The following XIRP2 variants were observed in gnomAD, a reference collection of about 807,000 sequenced individuals.
XIRP2 encodes xin actin binding repeat containing 2, also known as xin actin-binding repeat-containing protein 2.
A neutral mutation model predicts 277.0 loss-of-function variants in XIRP2; 236 were observed. The ratio of observed to expected loss-of-function variants is 0.85; its 90% CI spans 0.77 to 0.95. The LOEUF is 0.95. Among genes scored for constraint, XIRP2 ranks in the 40% least tolerant of loss-of-function variants. The pLI is 0.00. For missense variants in XIRP2, 4,640 were observed against 4,157.5 expected (o/e 1.12, Z -3.19); for synonymous variants, 1,490 against 1,416.5 (o/e 1.05, Z -1.17).
chr2:167,121,163 C>T (rs187492122), intron 2 of XIRP2, among the ~76,000 whole-genome samples: 2 of 152,250 alleles, frequency 1.3e-5, no homozygotes, highest in African/African-American at 2.4e-5. Flanking sequence ...GTCATTGCAA[C>T]TCAACATAAC....
intron 2 of XIRP2, among the ~76,000 whole-genome samples, chr2:166,943,117 T>TA (rs980922912): frequency 6.6e-6 from 1 of 152,160 alleles, no homozygotes; most frequent in African/African-American, 2.4e-5. Context: ...TTTCTTTTGT[T>TA]ATTCACAATA....
At chr2:167,011,104 C>T (rs1043876187) in intron 2 of XIRP2, among the ~76,000 whole-genome samples, 3 of 149,912 alleles carry the variant, frequency 2.0e-5, no homozygotes, top group African/African-American at 7.3e-5. Flanking sequence ...ACTTCCAACA[C>T]TATGTTGAAT....
At chr2:166,968,204 A>G (rs1686478878) in intron 2 of XIRP2, among the ~76,000 whole-genome samples, 1 of 151,940 alleles carries the variant, frequency 6.6e-6, no homozygotes, top group South Asian at 2.1e-4. Context: ...AAAGAGGTTC[A>G]GTGATGACAT....
At chr2:167,201,215 AAAGAAAGAAAGAAAGAAAG>A (rs1693686568) in intron 3 of XIRP2, among the ~76,000 whole-genome samples, 2 of 125,622 alleles carry the variant, frequency 1.6e-5, no homozygotes, top group Non-Finnish European at 3.4e-5. Flanking sequence ...AGAAAGAAAG[AAAGAAAGAAAGAAAGAAAG>A]AAAGAAAGAA....
intron 5 of XIRP2, among the ~76,000 whole-genome samples, chr2:167,220,060 T>C (rs1190577034): frequency 6.6e-6 from 1 of 152,200 alleles, no homozygotes; most frequent in African/African-American, 2.4e-5. Flanking sequence ...TATTAAATTT[T>C]GGGGAGTTTT....
intron 3 of XIRP2, among the ~76,000 whole-genome samples, chr2:167,200,878 C>T (rs1171367203): frequency 6.6e-6 from 1 of 152,076 alleles, no homozygotes; most frequent in East Asian, 1.9e-4. Flanking sequence ...GCAACCCCAG[C>T]ACATGGGGAG....
At chr2:166,951,608 T>G (rs1331043053) in intron 2 of XIRP2, among the ~76,000 whole-genome samples, 2 of 152,060 alleles carry the variant, frequency 1.3e-5, no homozygotes, top group Non-Finnish European at 2.9e-5. Flanking sequence ...AATCTGTATG[T>G]GTCATGCATT....
At chr2:167,050,819 T>G (rs2105534403) in intron 2 of XIRP2, among the ~76,000 whole-genome samples, 1 of 152,034 alleles carries the variant, frequency 6.6e-6, no homozygotes, top group African/African-American at 2.4e-5. Flanking sequence ...ACATTTTTTT[T>G]TTTTAATAAT....
chr2:166,939,584 G>A (rs556224990), intron 2 of XIRP2, among the ~76,000 whole-genome samples: 68 of 149,900 alleles, frequency 4.5e-4, no homozygotes, highest in African/African-American at 1.4e-3. Flanking sequence ...GGAGGCTGGG[G>A]CAGGAGAATG....
At chr2:167,176,058 TG>T (rs534153865) in intron 3 of XIRP2, among the ~76,000 whole-genome samples, 103 of 152,220 alleles carry the variant, frequency 6.8e-4, no homozygotes, top group African/African-American at 2.3e-3. Flanking sequence ...CTGGGTTCCA[TG>T]GGGGTGGGAT....
chr2:167,034,298 C>T (rs912531187), intron 2 of XIRP2, among the ~76,000 whole-genome samples: 1 of 151,906 alleles, frequency 6.6e-6, no homozygotes, highest in Admixed American at 6.6e-5. Context: ...ACAACGGATA[C>T]ACAAAACAGT....
intron 3 of XIRP2, among the ~76,000 whole-genome samples, chr2:167,195,503 C>A (rs1379558024): frequency 2.0e-5 from 3 of 152,188 alleles, no homozygotes; most frequent in Non-Finnish European, 4.4e-5. Flanking sequence ...GCACAGCAGC[C>A]CCTTCCAACT....
chr2:167,138,253 TA>T (rs1189763896), intron 3 of XIRP2, among the ~76,000 whole-genome samples: 1 of 152,228 alleles, frequency 6.6e-6, no homozygotes. Flanking sequence ...TTATAAAAGA[TA>T]ATTTAAGTGC....
Position 166,913,319 on chromosome 2 carries a change from C to CG in XIRP2, c.408+9429_408+9430insG, listed in dbSNP as rs772338897. 2.2e-3 allele frequency among the ~76,000 whole-genome samples: 168 copies of CG among 75,298 alleles called. 4 individuals carry two copies. The highest frequency in any genetic ancestry group is 5.5e-3 in the African/African-American group (148 of 27,120). The allele number at this position is 75,298 out of a possible 152,430, so 49.4% of individuals were successfully genotyped here. A position where few individuals can be genotyped will look rare whatever the true frequency, so the allele number is the denominator to read the frequency against. ...CTCAGCAATGGTGGGCACCCCCCCC[C>CG]CCCAGCCTCGCTGCTGCCTTGCAGA... On this transcript the variant is annotated intron_variant, in intron 2 of 10. Transcript: ENST00000409195.
At position 167,244,725 on chromosome 2, in the gene XIRP2, G is replaced by C. The variant is rs377465352; in HGVS notation, c.3333G>C (p.Ser1111=). Residue 1111 remains serine (S), a synonymous_variant, in exon 9 of 11, where the codon TCG becomes TCC. Coordinates refer to ENST00000409195, the MANE Select transcript of XIRP2 (RefSeq NM_152381.6). ...TGGAGTCTCTTTATGAAAAAGTTTC[G>C]TTAATGACCAGCAGTGAAGAAATTC... ...QPMESLYEKV[S]LMTSSEEIHK... is the part of the protein sequence containing the mutation. 2.1e-4 allele frequency: 346 copies of C among 1,612,866 alleles called. 2 individuals carry two copies. Among genetic ancestry groups the C allele is most frequent in the Non-Finnish European group, 1.2e-4 (142 of 1,179,606 alleles).
In XIRP2 at chr2:167,243,772, G is replaced by C; in HGVS notation, c.2380G>C (p.Gly794Arg). ...KDITEIKVVR[G>R]ISMEENVKGG... ...TATCACAGAAATTAAAGTTGTCCGA[G>C]GAATATCCATGGAAGAAAATGTCAA... is the stretch of plus-strand genomic sequence containing the variant. The change falls in exon 9 of 11, where the codon GGA (glycine) becomes CGA (arginine). Residue 794 changes from glycine to arginine, a missense_variant. Coordinates refer to ENST00000409195, the MANE Select transcript of XIRP2 (RefSeq NM_152381.6). The C allele has an allele frequency of 6.2e-7, 1 of 1,614,014 alleles. No homozygotes were observed. The highest frequency in any genetic ancestry group is 8.5e-7 in the Non-Finnish European group (1 of 1,179,960).
rs1695120188 is a variant in XIRP2 at position 167,242,937 on chromosome 2, A to AGAT, written c.1546_1548dup (p.Asp516dup). On this transcript the variant is annotated inframe_insertion, in exon 9 of 11. Transcript: ENST00000409195. Reference sequence around the variant, plus strand: ...CTGAGTTAAGAAAAAACTTAGAAAAAGATTATATCAGTGAAGTTTCTGAGA... The same window carrying AGAT: ...CTGAGTTAAGAAAAAACTTAGAAAAAGATGATTATATCAGTGAAGTTTCTGAGA... 1 of 1,613,490 alleles carries AGAT rather than the reference A, an allele frequency of 6.2e-7. No homozygotes were observed. Among genetic ancestry groups the AGAT allele is most frequent in the African/African-American group, 1.3e-5 (1 of 74,942 alleles).
chr2:166,975,442 T>G (rs991973020), intron 2 of XIRP2, among the ~76,000 whole-genome samples: 2 of 152,130 alleles, frequency 1.3e-5, no homozygotes, highest in African/African-American at 4.8e-5. Flanking sequence ...TCTAATAGAC[T>G]ATGTTCTGTG....
At chr2:167,061,897 A>G (rs1433879294) in intron 2 of XIRP2, among the ~76,000 whole-genome samples, 1 of 152,130 alleles carries the variant, frequency 6.6e-6, no homozygotes, top group East Asian at 1.9e-4. Context: ...GTGAACAAAT[A>G]AATTTCTGTT....
Sources: allele counts gnomAD v4.1 joint callset (sites outside exome capture counted in the v4.1 genomes callset), GRCh38; gene constraint gnomAD v4.1.1; transcripts MANE v1.5; gene names NCBI Gene and HGNC (gene_info 2026-07-23, HGNC 2026-07-21).